The following SPHKAP variants were observed in gnomAD, a reference collection of about 807,000 sequenced individuals.
The protein encoded by SPHKAP is SPHK1 interactor, AKAP domain containing, also known as A-kinase anchor protein SPHKAP.
In SPHKAP, 67 loss-of-function variants were observed where a neutral mutation model predicts 137.5. The observed-to-expected ratio is 0.49, with a 90% CI of 0.40 to 0.60. SPHKAP has a LOEUF of 0.60. SPHKAP is among the 20% of genes least tolerant of loss of function. The pLI, the probability that SPHKAP is intolerant of heterozygous loss-of-function variation, is 0.00. For missense variants in SPHKAP, 2,097 were observed against 2,069.3 expected (o/e 1.01, Z -0.26); for synonymous variants, 813 against 785.3 (o/e 1.04, Z -0.59).
intron 2 of SPHKAP, among the ~76,000 whole-genome samples, chr2:228,112,609 T>G (rs979582211): frequency 1.3e-5 from 2 of 151,980 alleles, no homozygotes; most frequent in African/African-American, 4.8e-5. Flanking sequence ...TTGCCAAAAG[T>G]CATCAGTCTG....
At chr2:228,076,087 C>G (rs955853786) in intron 3 of SPHKAP, among the ~76,000 whole-genome samples, 2 of 152,118 alleles carry the variant, frequency 1.3e-5, no homozygotes, top group Non-Finnish European at 2.9e-5. Flanking sequence ...ATGGGAGTTT[C>G]CCTGCACAAG....
Position 228,020,129 on chromosome 2 carries a change from T to C in SPHKAP, c.725A>G (p.Asn242Ser). The change falls in exon 7 of 12, where the codon AAT becomes AGT. Residue 242 changes from asparagine (N) to serine (S), a missense_variant. Physicochemically the swap from Asn to Ser is conservative, Grantham distance 46 (BLOSUM62 1). Transcript: ENST00000392056. ...NDYENINVSANVLESKQLKGA... is the reference protein window; with the variant it reads ...NDYENINVSASVLESKQLKGA... Reference sequence around the variant, plus strand: ...CTTTAGCTGTTTACTTTCCAAAACATTGGCTGAGACATTTATATTTTCATA... The same window carrying C: ...CTTTAGCTGTTTACTTTCCAAAACACTGGCTGAGACATTTATATTTTCATA... 2 of 1,608,290 alleles carry C rather than the reference T, an allele frequency of 1.2e-6. No homozygotes were observed. Among genetic ancestry groups the C allele is most frequent in the Non-Finnish European group, 1.7e-6 (2 of 1,178,284 alleles).
chr2:228,102,450 T>C (rs1698209406), intron 3 of SPHKAP, among the ~76,000 whole-genome samples: 1 of 152,200 alleles, frequency 6.6e-6, no homozygotes, highest in African/African-American at 2.4e-5. Context: ...TAGATATATA[T>C]TGTAATTCTT....
At chr2:228,030,106 C>T (rs1695223272) in intron 3 of SPHKAP, among the ~76,000 whole-genome samples, 1 of 152,188 alleles carries the variant, frequency 6.6e-6, no homozygotes, top group African/African-American at 2.4e-5. Context: ...AAGCAAGACA[C>T]AAACCAACTT....
chr2:228,148,177 G>A (rs1435539794), intron 1 of SPHKAP, among the ~76,000 whole-genome samples: 3 of 152,174 alleles, frequency 2.0e-5, no homozygotes. Flanking sequence ...AGCATAAGAA[G>A]CTGCCTCTCT....
rs748254156 is a variant in SPHKAP, at chr2:227,991,169, G to T, written c.4790C>A (p.Pro1597Gln). Reference protein sequence around the residue: ...SESTEAPASGPPTGTASPQRS... With the variant: ...SESTEAPASGQPTGTASPQRS... ...CTGGGGGCTGGCTGTTCCCGTAGGC[G>T]GTCCAGATGCAGGTGCTGAGAACAG... Residue 1597 changes from proline to glutamine, a missense_variant, in exon 11 of 12, where the codon CCG (proline) becomes CAG (glutamine). Transcript: ENST00000392056. 1.6e-5 allele frequency: 26 copies of T among 1,613,864 alleles called. No homozygotes were observed. In the East Asian group the frequency reaches 5.8e-4, roughly 36 times the overall value.
At position 228,016,969 on chromosome 2, in the gene SPHKAP, T is replaced by C; in HGVS notation, c.3885A>G (p.Arg1295=). 6.2e-7 allele frequency: 1 copy of C among 1,614,058 alleles called. No individual in the cohort carries two copies. Among genetic ancestry groups the C allele is most frequent in the Non-Finnish European group, 8.5e-7 (1 of 1,180,002 alleles). ...LCKSDSCLYR[R]GGTDHITNML... ...TGTTGGTGATGTGGTCAGTCCCACCTCTCCGATACAAGCAAGAGTCAGATT... is the reference window on the plus strand; with the variant it reads ...TGTTGGTGATGTGGTCAGTCCCACCCCTCCGATACAAGCAAGAGTCAGATT... Residue 1295 remains arginine (R), a synonymous_variant, in exon 7 of 12, where the codon AGA becomes AGG. Transcript: ENST00000392056.
Position 228,061,250 on chromosome 2 carries a change from T to C in SPHKAP, c.247-33707A>G, listed in dbSNP as rs534085564. Among the ~76,000 whole-genome samples, 7 of 127,438 alleles carry C rather than the reference T, an allele frequency of 5.5e-5. No individual in the cohort carries two copies. The South Asian group carries it at 1.7e-3, about 32-fold the overall frequency. 83.6% of individuals were successfully genotyped at this position (127,438 alleles called of 152,430 possible). ...TTCACTTTACTATTATTATCATTATTATTTTATTTTATTTATTTTTTATTT... is the reference window on the plus strand; with the variant it reads ...TTCACTTTACTATTATTATCATTATCATTTTATTTTATTTATTTTTTATTT... On this transcript the variant is annotated intron_variant, in intron 3 of 11. Transcript: ENST00000392056.
At chr2:228,171,924 C>A (rs565418316) in intron 1 of SPHKAP, among the ~76,000 whole-genome samples, 2 of 152,200 alleles carry the variant, frequency 1.3e-5, no homozygotes, top group East Asian at 3.9e-4. Flanking sequence ...ACAGATGCAT[C>A]TAACATGAGA....
chr2:228,007,673 A>G (rs1271063232), intron 7 of SPHKAP, among the ~76,000 whole-genome samples: 1 of 152,212 alleles, frequency 6.6e-6, no homozygotes, highest in Non-Finnish European at 1.5e-5. Context: ...TTACAAAGCA[A>G]TAGTAATTAA....
chr2:228,113,603 ATCTCTCTCTCTCTCTCTCTCTCTCTC>A (rs139499722), intron 2 of SPHKAP, among the ~76,000 whole-genome samples: 5 of 97,948 alleles, frequency 5.1e-5, no homozygotes, highest in African/African-American at 1.8e-4. Context: ...GCATTTAGCC[ATCTCTCTCTCTCTCTCTCTCTCTCTC>A]TCTCTCTCTC....
chr2:228,089,755 G>A (rs557716341), intron 3 of SPHKAP, among the ~76,000 whole-genome samples: 38 of 152,278 alleles, frequency 2.5e-4, no homozygotes, highest in African/African-American at 8.4e-4. Context: ...GGGCCCCAGG[G>A]ACATCTCTGG....
At chr2:228,166,897 A>T (rs13409017) in intron 1 of SPHKAP, among the ~76,000 whole-genome samples, 20,490 of 152,148 alleles carry the variant, frequency 0.13, 1,391 homozygotes, top group East Asian at 0.2. Context: ...GGAAGTTTAC[A>T]GTCATGGCAG....
Position 228,017,319 on chromosome 2 carries a change from T to C in SPHKAP, c.3535A>G (p.Ser1179Gly), listed in dbSNP as rs1471589812. The C allele has an allele frequency of 6.2e-7, 1 of 1,613,976 alleles. No individual in the cohort carries two copies. The highest frequency in any genetic ancestry group is 1.7e-5 in the Admixed American group (1 of 60,036). Reference protein sequence around the residue: ...RKSDHLSVRPSCPSKQSSTES... With the variant: ...RKSDHLSVRPGCPSKQSSTES... ...GTGCTGGACTGCTTAGAGGGACAGCTAGGCCTCACACTGAGGTGGTCACTT... is the reference window on the plus strand; with the variant it reads ...GTGCTGGACTGCTTAGAGGGACAGCCAGGCCTCACACTGAGGTGGTCACTT... The change falls in exon 7 of 12, where the codon AGC becomes GGC. Residue 1179 changes from serine (S) to glycine (G), a missense_variant. By Grantham distance (56) the Ser-to-Gly change is moderately conservative. Coordinates refer to ENST00000392056, the MANE Select transcript of SPHKAP (RefSeq NM_001142644.2).
chr2:228,048,201 G>A (rs562296825), intron 3 of SPHKAP, among the ~76,000 whole-genome samples: 2 of 152,276 alleles, frequency 1.3e-5, no homozygotes, highest in South Asian at 2.1e-4. Context: ...ACCCTCAAAA[G>A]ATTTCCACAA....
chr2:228,007,386 A>G (rs1339037894), intron 7 of SPHKAP, among the ~76,000 whole-genome samples: 1 of 152,030 alleles, frequency 6.6e-6, no homozygotes, highest in Non-Finnish European at 1.5e-5. Flanking sequence ...AACTGTAGTC[A>G]CCTTTCTGTG....
intron 11 of SPHKAP, 128 bp downstream of exon 11, chr2:227,990,872 A>G: frequency 2.1e-6 from 2 of 931,960 alleles, no homozygotes; most frequent in Non-Finnish European, 3.2e-6. Context: ...TTCTAGCCGC[A>G]ATTTTAAGAT....
In SPHKAP at chr2:228,063,004, T is replaced by C. The variant is rs543706316; in HGVS notation, c.247-35461A>G. Among the ~76,000 whole-genome samples, 20 of 152,308 alleles carry C rather than the reference T, an allele frequency of 1.3e-4. No homozygotes were observed. In the East Asian group the frequency reaches 3.1e-3, roughly 23 times the overall value. On this transcript the variant is annotated intron_variant, in intron 3 of 11. Coordinates refer to ENST00000392056, the MANE Select transcript of SPHKAP (RefSeq NM_001142644.2). ...ATTGAGTACAGAAGAAATTATGTGT[T>C]CTGAACAGAAACAAGCTTTACAAAT...
intron 5 of SPHKAP, among the ~76,000 whole-genome samples, chr2:228,024,604 G>C (rs1694963777): frequency 6.6e-6 from 1 of 152,156 alleles, no homozygotes; most frequent in East Asian, 1.9e-4. Flanking sequence ...GGCTTTTTGA[G>C]ATTTTGAAGA....
Sources: gnomAD v4.1 joint callset for allele counts (sites outside exome capture counted in the v4.1 genomes callset) on GRCh38, gnomAD v4.1.1 for gene constraint, MANE v1.5 for transcripts, NCBI Gene and HGNC (gene_info 2026-07-23, HGNC 2026-07-21) for gene names.